The following SLC39A11 variants were observed in gnomAD, a reference collection of about 807,000 sequenced individuals.
SLC39A11 encodes solute carrier family 39 member 11, also known as zinc transporter ZIP11.
SLC39A11 carries 33 observed loss-of-function variants against 36.1 expected under a neutral mutation model. The observed-to-expected ratio is 0.91, with a 90% CI of 0.69 to 1.22. The LOEUF (loss-of-function observed/expected upper bound fraction) is 1.22. SLC39A11 is among the 50% of genes most tolerant of loss of function. The pLI is 0.00. For missense variants in SLC39A11, 432 were observed against 430.3 expected (o/e 1.00, Z -0.03); for synonymous variants, 166 against 170.3 (o/e 0.97, Z 0.20).
At chr17:73,048,426 C>T (rs1176765028) in intron 3 of SLC39A11, among the ~76,000 whole-genome samples, 2 of 152,150 alleles carry the variant, frequency 1.3e-5, no homozygotes, top group Non-Finnish European at 2.9e-5. Context: ...TTTTCTCCAC[C>T]CAGTCCACCA....
intron 7 of SLC39A11, among the ~76,000 whole-genome samples, chr17:72,698,443 T>G (rs2072421605): frequency 7.5e-6 from 1 of 134,112 alleles, no homozygotes. Flanking sequence ...TATTTACAAG[T>G]CTCCATAATA....
At chr17:73,088,967 G>A (rs1413308413) in intron 1 of SLC39A11, among the ~76,000 whole-genome samples, 192 bp from the exon 2 acceptor site, 1 of 152,172 alleles carries the variant, frequency 6.6e-6, no homozygotes, top group African/African-American at 2.4e-5. Flanking sequence ...AGGTCCCCCA[G>A]GAACTGGAAA....
At chr17:72,808,112 G>T (rs2077321155) in intron 6 of SLC39A11, among the ~76,000 whole-genome samples, 1 of 152,170 alleles carries the variant, frequency 6.6e-6, no homozygotes, top group African/African-American at 2.4e-5. Context: ...TGGGAAAACA[G>T]GAGTTTCTCT....
chr17:73,049,773 T>TAAACAAGA (rs1426708909), intron 3 of SLC39A11, among the ~76,000 whole-genome samples: 1 of 152,056 alleles, frequency 6.6e-6, no homozygotes, highest in Admixed American at 6.5e-5. Flanking sequence ...AGACTGGCCA[T>TAAACAAGA]AAACAAGAAA....
At chr17:72,924,576 C>T (rs1363397215) in intron 5 of SLC39A11, among the ~76,000 whole-genome samples, 1 of 151,976 alleles carries the variant, frequency 6.6e-6, no homozygotes, top group Non-Finnish European at 1.5e-5. Context: ...CTTTTGGCAC[C>T]CCAAATTGCT....
intron 7 of SLC39A11, among the ~76,000 whole-genome samples, chr17:72,700,918 C>T (rs994271387): frequency 3.3e-5 from 5 of 152,242 alleles, no homozygotes; most frequent in Non-Finnish European, 7.3e-5. Flanking sequence ...CACTGGGCCC[C>T]TCCCACAACA....
intron 4 of SLC39A11, among the ~76,000 whole-genome samples, chr17:72,956,157 A>G (rs1476349552): frequency 6.6e-6 from 1 of 152,154 alleles, no homozygotes; most frequent in Non-Finnish European, 1.5e-5. Context: ...CATCACCTTC[A>G]TGACCTTAAC....
chr17:73,003,336 C>T (rs1011140721), intron 4 of SLC39A11, among the ~76,000 whole-genome samples: 1 of 152,210 alleles, frequency 6.6e-6, no homozygotes, highest in Admixed American at 6.5e-5. Context: ...TGTGCTAATG[C>T]TGCAAAGTAC....
At chr17:73,021,883 C>A (rs1464566047) in intron 4 of SLC39A11, among the ~76,000 whole-genome samples, 1 of 152,246 alleles carries the variant, frequency 6.6e-6, no homozygotes, top group Admixed American at 6.5e-5. Flanking sequence ...CACTCTTAGA[C>A]CAAGAACAAG....
intron 5 of SLC39A11, among the ~76,000 whole-genome samples, chr17:72,883,196 A>G (rs2081292836): frequency 5.3e-5 from 8 of 152,198 alleles, no homozygotes; most frequent in Admixed American, 3.9e-4. Flanking sequence ...ATGTGAGTGG[A>G]AAGTGCATAA....
At chr17:72,729,286 GAGTGC>G (rs1449580471) in intron 7 of SLC39A11, among the ~76,000 whole-genome samples, 2 of 146,488 alleles carry the variant, frequency 1.4e-5, no homozygotes, top group South Asian at 2.2e-4. Flanking sequence ...GCCCAGGATG[GAGTGC>G]AGTGGCACGA....
intron 7 of SLC39A11, among the ~76,000 whole-genome samples, chr17:72,711,909 A>G (rs1472347056): frequency 1.3e-5 from 2 of 152,216 alleles, no homozygotes; most frequent in Admixed American, 6.5e-5. Flanking sequence ...GCAAGAAAAG[A>G]ACCTTTCTCT....
intron 4 of SLC39A11, among the ~76,000 whole-genome samples, chr17:72,975,779 T>C (rs1182061365): frequency 6.6e-6 from 1 of 152,212 alleles, no homozygotes; most frequent in Admixed American, 6.5e-5. Context: ...TTAGCCAGTA[T>C]TATTTCTTAG....
intron 6 of SLC39A11, among the ~76,000 whole-genome samples, chr17:72,786,063 G>A (rs1001463097): frequency 5.9e-5 from 9 of 152,132 alleles, no homozygotes; most frequent in African/African-American, 1.9e-4. Context: ...ATCAGAAACC[G>A]ACAGGGAGGC....
chr17:72,780,944 G>A (rs750835161), intron 6 of SLC39A11, among the ~76,000 whole-genome samples: 8 of 152,108 alleles, frequency 5.3e-5, no homozygotes, highest in Non-Finnish European at 7.4e-5. Flanking sequence ...CTCAGATCGC[G>A]CCATTGCATT....
chr17:72,895,204 C>A (rs7218093), intron 5 of SLC39A11, among the ~76,000 whole-genome samples: 5 of 152,016 alleles, frequency 3.3e-5, no homozygotes, highest in African/African-American at 1.2e-4. Context: ...AGGGTTGGTG[C>A]GATGGGAGAA....
chr17:73,062,359 A>G (rs1441160994), intron 3 of SLC39A11, among the ~76,000 whole-genome samples: 1 of 150,540 alleles, frequency 6.6e-6, no homozygotes, highest in Non-Finnish European at 1.5e-5. Flanking sequence ...CTTGGGAGGC[A>G]GAGGTAGGAG....
At chr17:72,715,551 A>G (rs1047954561) in intron 7 of SLC39A11, among the ~76,000 whole-genome samples, 2 of 152,234 alleles carry the variant, frequency 1.3e-5, no homozygotes, top group African/African-American at 4.8e-5. Flanking sequence ...ACAAAGGGAC[A>G]AATACTGTGT....
At chr17:72,972,788 C>T (rs532180769) in intron 4 of SLC39A11, among the ~76,000 whole-genome samples, 34 of 152,282 alleles carry the variant, frequency 2.2e-4, no homozygotes, top group African/African-American at 7.9e-4. Flanking sequence ...TTGCTCTGCC[C>T]GTGGAAATCA....
Sources: gnomAD v4.1 joint callset for allele counts (sites outside exome capture counted in the v4.1 genomes callset) on GRCh38, gnomAD v4.1.1 for gene constraint, MANE v1.5 for transcripts, NCBI Gene and HGNC (gene_info 2026-07-23, HGNC 2026-07-21) for gene names.